Variants in B3GALT1 observed in about 807,000 individuals in gnomAD.
B3GALT1 encodes the protein UDP-Gal:betaGlcNAc beta 1,3-galactosyltransferase, polypeptide 1.
Under a neutral mutation model 23.2 loss-of-function variants are expected in B3GALT1, and 10 were observed. The ratio of observed to expected loss-of-function variants is 0.43; its 90% CI spans 0.27 to 0.73. The LOEUF (loss-of-function observed/expected upper bound fraction) is 0.73, where lower values mean the gene tolerates loss of function less well. B3GALT1 is among the 30% of genes least tolerant of loss of function. The probability of loss-of-function intolerance (pLI) is 0.21; values close to 1 mark genes in which losing one functional copy is unlikely to be tolerated. For missense variants in B3GALT1, 299 were observed against 405.4 expected (o/e 0.74, Z 2.25); for synonymous variants, 156 against 141.5 (o/e 1.10, Z -0.73).
At chr2:167,841,893 A>G (rs1689659730) in intron 4 of B3GALT1, among the ~76,000 whole-genome samples, 1 of 152,240 alleles carries the variant, frequency 6.6e-6, no homozygotes, top group South Asian at 2.1e-4. Flanking sequence ...TTTTCATACA[A>G]TAATGTGCTT....
intron 3 of B3GALT1, among the ~76,000 whole-genome samples, chr2:167,653,348 G>A (rs943452691): frequency 9.9e-5 from 15 of 152,018 alleles, no homozygotes; most frequent in African/African-American, 3.4e-4. Context: ...TTTAGTCTTC[G>A]GACTTATATA....
chr2:167,422,448 C>T (rs775521303), intron 1 of B3GALT1, among the ~76,000 whole-genome samples: 3 of 152,224 alleles, frequency 2.0e-5, no homozygotes, highest in Non-Finnish European at 4.4e-5. Flanking sequence ...CTGAGTAAGA[C>T]AACCCCCTTT....
intron 3 of B3GALT1, among the ~76,000 whole-genome samples, chr2:167,694,944 G>C (rs1686769872): frequency 6.6e-6 from 1 of 152,030 alleles, no homozygotes; most frequent in South Asian, 2.1e-4. Context: ...AACTTCATCT[G>C]AAAACTCTTT....
rs78001109 is a variant in B3GALT1 at position 167,435,932 on chromosome 2, G to A, written c.-510-54245G>A. Among the ~76,000 whole-genome samples the A allele has an allele frequency of 4.7e-5, 7 of 148,702 alleles. 1 individual carries two copies. Among genetic ancestry groups the A allele is most frequent in the African/African-American group, 1.8e-4 (7 of 39,898 alleles). ...TATCTTGATCTCTGCTTTTCTCCAT[G>A]TCTACCCTCCACACACACACAAACA... is the stretch of plus-strand genomic sequence containing the variant. On this transcript the variant is annotated intron_variant, in intron 1 of 4. Coordinates refer to ENST00000392690, the MANE Select transcript of B3GALT1 (RefSeq NM_020981.4).
intron 2 of B3GALT1, among the ~76,000 whole-genome samples, chr2:167,531,695 T>C (rs1683328915): frequency 6.6e-6 from 1 of 152,218 alleles, no homozygotes; most frequent in African/African-American, 2.4e-5. Flanking sequence ...CTTCTATGCA[T>C]ATTTTAACGT....
chr2:167,842,742 C>T (rs1016828295), intron 4 of B3GALT1, among the ~76,000 whole-genome samples: 2 of 151,954 alleles, frequency 1.3e-5, no homozygotes, highest in African/African-American at 2.4e-5. Flanking sequence ...GGTGTGGTGG[C>T]ACACACCTGT....
chr2:167,405,991 G>A (rs1015775191), intron 1 of B3GALT1, among the ~76,000 whole-genome samples: 4 of 151,998 alleles, frequency 2.6e-5, no homozygotes, highest in African/African-American at 9.7e-5. Flanking sequence ...AGAAAATAAA[G>A]CAGCTGTTGT....
At chr2:167,564,818 G>C (rs936374767) in intron 2 of B3GALT1, among the ~76,000 whole-genome samples, 2 of 152,198 alleles carry the variant, frequency 1.3e-5, no homozygotes, top group African/African-American at 2.4e-5. Flanking sequence ...AGGACCTCTT[G>C]AAGGAGAACT....
At chr2:167,702,885 C>A (rs1224371879) in intron 3 of B3GALT1, among the ~76,000 whole-genome samples, 5 of 152,154 alleles carry the variant, frequency 3.3e-5, no homozygotes, top group African/African-American at 1.2e-4. Context: ...CAAGTTTGTT[C>A]CAGTTTAAAC....
At chr2:167,780,463 C>T (rs965396835) in intron 3 of B3GALT1, among the ~76,000 whole-genome samples, 1 of 152,236 alleles carries the variant, frequency 6.6e-6, no homozygotes, top group Non-Finnish European at 1.5e-5. Flanking sequence ...ATCTATAACA[C>T]TTGTTCATTG....
rs1408395551 is a variant in B3GALT1, at chr2:167,825,827, G to GTGTT, written c.-230+7036_-230+7039dup. ...CTTCTATCTCTGTTGCCTTGCATAGGTGTTTAACAACTTATCCAGCTTGTA... is the reference window on the plus strand; with the variant it reads ...CTTCTATCTCTGTTGCCTTGCATAGGTGTTTGTTTAACAACTTATCCAGCTTGTA... On this transcript the variant is annotated intron_variant, in intron 4 of 4. Transcript: ENST00000392690. Among the ~76,000 whole-genome samples the GTGTT allele has an allele frequency of 7.2e-5, 11 of 152,276 alleles. 1 individual carries two copies. In the East Asian group the frequency reaches 1.9e-3, roughly 27 times the overall value.
At chr2:167,315,833 G>A (rs182290375) in intron 1 of B3GALT1, among the ~76,000 whole-genome samples, 2 of 152,150 alleles carry the variant, frequency 1.3e-5, no homozygotes, top group Admixed American at 1.3e-4. Context: ...TAGAAAAAAT[G>A]TTCCACTTGG....
At chr2:167,739,475 A>G (rs1687543518) in intron 3 of B3GALT1, among the ~76,000 whole-genome samples, 2 of 152,186 alleles carry the variant, frequency 1.3e-5, no homozygotes, top group Admixed American at 6.5e-5. Context: ...TGGAAGGACC[A>G]TGGTCCAAAT....
chr2:167,864,491 G>A (rs1322211293), intron 4 of B3GALT1, among the ~76,000 whole-genome samples: 1 of 152,192 alleles, frequency 6.6e-6, no homozygotes, highest in Non-Finnish European at 1.5e-5. Flanking sequence ...TTGAGCCCAG[G>A]AGGTCAAGGC....
chr2:167,555,830 G>A (rs79615483), intron 2 of B3GALT1, among the ~76,000 whole-genome samples: 1 of 152,274 alleles, frequency 6.6e-6, no homozygotes, highest in East Asian at 1.9e-4. Context: ...GATGAAAGGA[G>A]AATGGAATCC....
At chr2:167,490,777 G>A (rs920328265) in intron 2 of B3GALT1, among the ~76,000 whole-genome samples, 1 of 152,174 alleles carries the variant, frequency 6.6e-6, no homozygotes, top group African/African-American at 2.4e-5. Flanking sequence ...TACAGTGTCT[G>A]CTGCTTTTTA....
At chr2:167,669,291 A>G (rs959518916) in intron 3 of B3GALT1, among the ~76,000 whole-genome samples, 8 of 152,242 alleles carry the variant, frequency 5.3e-5, no homozygotes, top group Non-Finnish European at 1.2e-4. Context: ...GAAACTCATG[A>G]AAATAAGTAA....
chr2:167,837,508 A>G (rs1689507642), intron 4 of B3GALT1, among the ~76,000 whole-genome samples: 1 of 151,330 alleles, frequency 6.6e-6, no homozygotes, highest in African/African-American at 2.4e-5. Context: ...CCAATACAGG[A>G]GCACCCAGAT....
At position 167,512,579 on chromosome 2, in the gene B3GALT1, T is replaced by TGTATATATATAC. The variant is rs1700029984; in HGVS notation, c.-410+22313_-410+22314insCGTATATATATA. Among the ~76,000 whole-genome samples, 3 of 99,842 alleles carry TGTATATATATAC rather than the reference T, an allele frequency of 3.0e-5. 1 individual carries two copies. The highest frequency in any genetic ancestry group is 1.2e-4 in the African/African-American group (3 of 24,166). The allele number at this position is 99,842 out of a possible 152,430, so 65.5% of individuals were successfully genotyped here. On this transcript the variant is annotated intron_variant, in intron 2 of 4. Transcript: ENST00000392690. ...ATGTATATATATATGTATATATATA[T>TGTATATATATAC]GTATATATATATGTGTATATATATA...
Sources: gnomAD v4.1 joint callset for allele counts (sites outside exome capture counted in the v4.1 genomes callset) on GRCh38, gnomAD v4.1.1 for gene constraint, MANE v1.5 for transcripts, NCBI Gene and HGNC (gene_info 2026-07-23, HGNC 2026-07-21) for gene names.